The following NAXD variants were observed in gnomAD, a reference collection of about 807,000 sequenced individuals.
NAXD encodes the protein ATP-dependent (S)-NAD(P)H-hydrate dehydratase.
NAXD carries 22 observed loss-of-function variants against 35.8 expected under a neutral mutation model. That is an observed-to-expected ratio of 0.62 (90% CI 0.44 to 0.88). NAXD has a LOEUF of 0.88. Ranked by LOEUF, NAXD falls within the 40% of genes least tolerant of loss-of-function variation. NAXD has a pLI of 0.00. For synonymous variants in NAXD, 189 were observed against 177.6 expected (o/e 1.06, Z -0.51); for missense variants, 428 against 437.7 (o/e 0.98, Z 0.20).
chr13:110,638,902 G>A lies in NAXD; in HGVS notation c.*374G>A, dbSNP rs1887055262. On this transcript the variant is annotated 3_prime_UTR_variant, in exon 10 of 10. Coordinates refer to ENST00000680254, the MANE Select transcript of NAXD (RefSeq NM_001242882.2). This position sits in a 1 kb window ranked among gnomAD's most constrained non-coding sequence, Gnocchi z 5.4. Reference sequence around the variant, plus strand: ...TCTACTTGTTACTCTCTCTGCCGGCGCCCTTCGTTCCTCCTCTGCTTCCCT... The same window carrying A: ...TCTACTTGTTACTCTCTCTGCCGGCACCCTTCGTTCCTCCTCTGCTTCCCT... 3.4e-5 allele frequency: 12 copies of A among 350,250 alleles called. No individual in the cohort carries two copies. Among genetic ancestry groups the A allele is most frequent in the South Asian group, 2.3e-4 (11 of 47,358 alleles). The allele number at this position is 350,250 out of a possible 1,614,324, so 21.7% of individuals were successfully genotyped here. A position where few individuals can be genotyped will look rare whatever the true frequency, so the allele number is the denominator to read the frequency against.
rs773082677 is a variant in NAXD at position 110,637,118 on chromosome 13, G to T, written c.719-11G>T. ...CATGCTGACACCTGCTCTCACTTCT[G>T]CCCTGTGCAGTGCTTGTGTGCAGCC... On this transcript the variant is annotated splice_polypyrimidine_tract_variant and intron_variant, in intron 8 of 9. Transcript: ENST00000680254. The T allele has an allele frequency of 6.2e-7, 1 of 1,609,234 alleles. No individual in the cohort carries two copies. Among genetic ancestry groups the T allele is most frequent in the East Asian group, 2.2e-5 (1 of 44,802 alleles).
rs1594176877 is a variant in NAXD at position 110,628,414 on chromosome 13, T to C, written c.441+867T>C. ...GCCGGGCATTAGTGAGGGACTACGC[T>C]TGAAGCCCTTAGAAGGTGCCTGGCC... is the stretch of plus-strand genomic sequence containing the variant. On this transcript the variant is annotated intron_variant, in intron 5 of 9. Coordinates refer to ENST00000680254, the MANE Select transcript of NAXD (RefSeq NM_001242882.2). This position sits in a 1 kb window ranked among gnomAD's most constrained non-coding sequence, Gnocchi z 4.1. Among the ~76,000 whole-genome samples the C allele has an allele frequency of 6.6e-6, 1 of 152,198 alleles. No homozygotes were observed. Among genetic ancestry groups the C allele is most frequent in the African/African-American group, 2.4e-5 (1 of 41,442 alleles).
chr13:110,632,344 G>A (rs1361787262), intron 5 of NAXD, among the ~76,000 whole-genome samples: 3 of 152,194 alleles, frequency 2.0e-5, no homozygotes, highest in Admixed American at 2.0e-4. Context: ...CCCAAAGAGT[G>A]AGCAGTAGCA....
intron 2 of NAXD, among the ~76,000 whole-genome samples, chr13:110,622,902 A>G (rs1205649892): frequency 6.6e-6 from 1 of 152,090 alleles, no homozygotes; most frequent in Non-Finnish European, 1.5e-5. Flanking sequence ...TTCTGTTTGC[A>G]TGGATGTGGT....
rs1351195808 is a variant in NAXD at position 110,615,549 on chromosome 13, G to A, written c.-53G>A. 5.2e-6 allele frequency: 7 copies of A among 1,337,100 alleles called. No homozygotes were observed. In the African/African-American group the frequency reaches 9.2e-5, roughly 18 times the overall value. The allele number at this position is 1,337,100 out of a possible 1,614,324, so 82.8% of individuals were successfully genotyped here. On this transcript the variant is annotated 5_prime_UTR_variant, in exon 1 of 10. Transcript: ENST00000680254. ...GGGAAACCGGAAAACGCTTCCAATG[G>A]CTGTGTTTCCGGCGACGGCGCGGGG...
chr13:110,635,825 C>T (rs1011531217), intron 8 of NAXD, among the ~76,000 whole-genome samples: 15 of 152,252 alleles, frequency 9.9e-5, no homozygotes, highest in East Asian at 3.9e-4. Flanking sequence ...GGGCCTTACC[C>T]GTTGGTTGAA....
intron 9 of NAXD, 43 bp downstream of exon 9, chr13:110,637,292 T>TTTTTC (rs2139654415): frequency 6.2e-7 from 1 of 1,612,170 alleles, no homozygotes; most frequent in East Asian, 2.2e-5. Flanking sequence ...AACCGTCTGA[T>TTTTTC]TTTTCTAAGC....
chr13:110,623,561 T>G (rs553111841), intron 2 of NAXD, among the ~76,000 whole-genome samples: 3 of 152,376 alleles, frequency 2.0e-5, no homozygotes, highest in Admixed American at 2.0e-4. Context: ...CATGCCCGAC[T>G]GCTCCGAACA....
rs776968492 is a variant in NAXD at position 110,634,794 on chromosome 13, C to T, written c.597+18C>T. On this transcript the variant is annotated intron_variant, in intron 7 of 9. Transcript: ENST00000680254. ...ACGCTGTGGTGAGTCAGTGGACCCC[C>T]TGGAGGGTAGATGCAAGCCCTGTTC... is the stretch of plus-strand genomic sequence containing the variant. 7.6e-6 allele frequency: 12 copies of T among 1,588,182 alleles called. No individual in the cohort carries two copies. The Admixed American group carries it at 2.0e-4, about 27-fold the overall frequency.
At chr13:110,636,197 G>A (rs1886917788) in intron 8 of NAXD, among the ~76,000 whole-genome samples, 1 of 152,216 alleles carries the variant, frequency 6.6e-6, no homozygotes, top group African/African-American at 2.4e-5. Flanking sequence ...CGCTGAAAAT[G>A]GAAGCCCCTC....
rs940853286 is a variant in NAXD at position 110,638,841 on chromosome 13, C to T, written c.*313C>T. 1 of 481,738 alleles carries T rather than the reference C, an allele frequency of 2.1e-6. No homozygotes were observed. The allele number at this position is 481,738 out of a possible 1,614,324, so 29.8% of individuals were successfully genotyped here. ...AATGAAGAATTCTTTAGCAGCTCAA[C>T]AGAGTTTCTCGGCCTGCTCCCAGAT... On this transcript the variant is annotated 3_prime_UTR_variant, in exon 10 of 10. Transcript: ENST00000680254. This position sits in a 1 kb window ranked among gnomAD's most constrained non-coding sequence, Gnocchi z 5.4.
At chr13:110,634,842 A>G (rs1886861485) in intron 7 of NAXD, 66 bp downstream of exon 7, 3 of 1,214,030 alleles carry the variant, frequency 2.5e-6, no homozygotes, top group Non-Finnish European at 3.6e-6. Flanking sequence ...GTGAAGGACG[A>G]GCTCCATGCT....
chr13:110,615,809 G>A lies in NAXD; in HGVS notation c.46+162G>A, dbSNP rs181210785. The A allele has an allele frequency of 1.1e-3, 1,489 of 1,297,068 alleles. 18 individuals are homozygous for A. In the African/African-American group the frequency reaches 0.018, roughly 16 times the overall value. 80.3% of individuals were successfully genotyped at this position (1,297,068 alleles called of 1,614,324 possible). ...CGCTGACCGCCTCTGCTGGCTCGCG[G>A]GGGGGAAGCGCCGCCGAGGGGCAGC... On this transcript the variant is annotated intron_variant, in intron 1 of 9. Transcript: ENST00000680254.
At position 110,639,011 on chromosome 13, in the gene NAXD, A is replaced by G. The variant is rs949851255; in HGVS notation, c.*483A>G. On this transcript the variant is annotated 3_prime_UTR_variant, in exon 10 of 10. Coordinates refer to ENST00000680254, the MANE Select transcript of NAXD (RefSeq NM_001242882.2). ...CCCGACTGCACTGACTGGGTCCATC[A>G]GAGGGCTGCTTCGTTCTCCAGCTCA... is the stretch of plus-strand genomic sequence containing the variant. 6 of 296,392 alleles carry G rather than the reference A, an allele frequency of 2.0e-5. No individual in the cohort carries two copies. Among genetic ancestry groups the G allele is most frequent in the Non-Finnish European group, 3.3e-5 (5 of 150,264 alleles). 18.4% of individuals were successfully genotyped at this position (296,392 alleles called of 1,614,324 possible). A position where few individuals can be genotyped will look rare whatever the true frequency, so the allele number is the denominator to read the frequency against.
At chr13:110,615,771 GCAGGTACCCGA>G in intron 1 of NAXD, 124 bp downstream of exon 1, 1 of 1,396,238 alleles carries the variant, frequency 7.2e-7, no homozygotes. Flanking sequence ...GCCACTGGAC[GCAGGTACCCGA>G]CCGCTGACCG....
Position 110,625,286 on chromosome 13 carries a change from G to T in NAXD, c.332+8G>T, listed in dbSNP as rs1224851347. 1 of 1,598,514 alleles carries T rather than the reference G, an allele frequency of 6.3e-7. No individual in the cohort carries two copies. Among genetic ancestry groups the T allele is most frequent in the Non-Finnish European group, 8.6e-7 (1 of 1,166,012 alleles). ...GATCGTCCACCCAGTTCTGTGAGTCGCTCTGCGCCGGCTTCTCGTAGGTTC... is the reference window on the plus strand; with the variant it reads ...GATCGTCCACCCAGTTCTGTGAGTCTCTCTGCGCCGGCTTCTCGTAGGTTC... On this transcript the variant is annotated splice_region_variant and intron_variant, in intron 4 of 9. Coordinates refer to ENST00000680254, the MANE Select transcript of NAXD (RefSeq NM_001242882.2).
In NAXD at chr13:110,622,351, T is replaced by C; in HGVS notation, c.182T>C (p.Val61Ala). 1 of 1,614,200 alleles carries C rather than the reference T, an allele frequency of 6.2e-7. No individual in the cohort carries two copies. Among genetic ancestry groups the C allele is most frequent in the Non-Finnish European group, 8.5e-7 (1 of 1,180,024 alleles). Reference sequence around the variant, plus strand: ...GGGCAAGATGGAAGAATAGGCGTAGTTGGAGGCTGTCAGGAGTAAGTAGCT... The same window carrying C: ...GGGCAAGATGGAAGAATAGGCGTAGCTGGAGGCTGTCAGGAGTAAGTAGCT... ...HKGQDGRIGV[V>A]GGCQEYTGAP... The change falls in exon 2 of 10, where the codon GTT (valine) becomes GCT (alanine). Residue 61 changes from valine (V) to alanine (A), a missense_variant. This residue lies in a region of NAXD where 208 missense variants were observed against 193.0 expected (regional missense o/e 1.08). Coordinates refer to ENST00000680254, the MANE Select transcript of NAXD (RefSeq NM_001242882.2).
At position 110,634,542 on chromosome 13, in the gene NAXD, C is replaced by G; in HGVS notation, c.442-3C>G. 1 of 1,614,148 alleles carries G rather than the reference C, an allele frequency of 6.2e-7. No individual in the cohort carries two copies. Among genetic ancestry groups the G allele is most frequent in the Non-Finnish European group, 8.5e-7 (1 of 1,179,960 alleles). ...TGCTCAGTCTGGTTTTCTCTTCTGGCAGGGCATTTTGGAAGTGTCAAAGGC... is the reference window on the plus strand; with the variant it reads ...TGCTCAGTCTGGTTTTCTCTTCTGGGAGGGCATTTTGGAAGTGTCAAAGGC... On this transcript the variant is annotated splice_region_variant and splice_polypyrimidine_tract_variant and intron_variant, in intron 5 of 9. Transcript: ENST00000680254.
At chr13:110,618,644 C>T (rs545169673) in intron 1 of NAXD, among the ~76,000 whole-genome samples, 4 of 152,144 alleles carry the variant, frequency 2.6e-5, no homozygotes, top group East Asian at 3.9e-4. Context: ...GGCCCTTATT[C>T]GTATATTGTA....
Sources: gnomAD v4.1 joint callset for allele counts (sites outside exome capture counted in the v4.1 genomes callset) on GRCh38, gnomAD v4.1.1 for gene constraint, gnomAD v4.1.1 regional missense constraint, Gnocchi (gnomAD v3.1) non-coding constraint, MANE v1.5 for transcripts, NCBI Gene and HGNC (gene_info 2026-07-23, HGNC 2026-07-21) for gene names.